The following HSF4 variants were observed in gnomAD, a reference collection of about 807,000 sequenced individuals.
The protein encoded by HSF4 is heat shock factor protein 4.
HSF4 carries 41 observed loss-of-function variants against 52.0 expected under a neutral mutation model. That is an observed-to-expected ratio of 0.79 (90% confidence interval 0.61 to 1.02). The LOEUF is 1.02. Ranked by LOEUF, HSF4 falls within the 50% of genes least tolerant of loss-of-function variation. HSF4 has a pLI of 0.00. For synonymous variants in HSF4, 285 were observed against 273.0 expected, an observed-to-expected ratio of 1.04 and a Z score of -0.43; for missense variants, 610 against 651.1, an observed-to-expected ratio of 0.94 and a Z score of 0.69.
upstream of HSF4, chr16:67,164,706 C>T (rs917137284): frequency 4.0e-5 from 55 of 1,366,528 alleles, no homozygotes; most frequent in Non-Finnish European, 4.4e-5. Context: ...GACCCGGCGC[C>T]CCGGGGCGGA....
rs185818629 is a variant in HSF4, at chr16:67,168,759, G to T, written c.1083-72G>T. ...CTAAAGATTGGGGGATTAAAATCTTGATGCATCTGGGTTCCTTGGGAACTT... is the reference window on the plus strand; with the variant it reads ...CTAAAGATTGGGGGATTAAAATCTTTATGCATCTGGGTTCCTTGGGAACTT... On this transcript the variant is annotated intron_variant, in intron 9 of 12. Transcript: ENST00000521374. 1.2e-4 allele frequency: 128 copies of T among 1,103,286 alleles called. No individual in the cohort carries two copies. The Admixed American group carries it at 2.1e-3, about 19-fold the overall frequency. 68.3% of individuals were successfully genotyped at this position (1,103,286 alleles called of 1,614,324 possible).
chr16:67,166,457 A>G (rs538698506), intron 5 of HSF4, 62 bp downstream of exon 5: 2 of 1,591,770 alleles, frequency 1.3e-6, no homozygotes, highest in Admixed American at 3.4e-5. Context: ...TCCACCGCCC[A>G]GTCCCCCGGC....
intron 6 of HSF4, 31 bp from the exon 7 acceptor site, chr16:67,167,089 A>G: frequency 1.2e-6 from 2 of 1,613,582 alleles, no homozygotes; most frequent in Non-Finnish European, 1.7e-6. Flanking sequence ...ACCCTGCCCC[A>G]CCCCTGCCTG....
rs1272054340 is a variant in HSF4, at chr16:67,165,711, C to T, written c.233-8C>T. On this transcript the variant is annotated splice_region_variant and splice_polypyrimidine_tract_variant and intron_variant, in intron 2 of 12. Coordinates refer to ENST00000521374, the MANE Select transcript of HSF4 (RefSeq NM_001374675.1). The surrounding 1 kb of genome is among the most constrained non-coding windows in gnomAD (Gnocchi z 6.9). ...GGGCGACCCACGCCCCCACGCCCCACTCCCCAGACGGTTTTCGGAAGGTGG... is the reference window on the plus strand; with the variant it reads ...GGGCGACCCACGCCCCCACGCCCCATTCCCCAGACGGTTTTCGGAAGGTGG... 6.2e-7 allele frequency: 1 copy of T among 1,612,094 alleles called. No homozygotes were observed. The highest frequency in any genetic ancestry group is 8.5e-7 in the Non-Finnish European group (1 of 1,179,806).
intron 9 of HSF4, 112 bp from the exon 10 acceptor site, chr16:67,168,719 C>A: frequency 1.2e-6 from 1 of 825,450 alleles, no homozygotes; most frequent in Non-Finnish European, 2.0e-6. Context: ...GATGGGGATC[C>A]TCTCCTATCA....
chr16:67,163,784 C>T (rs549741253), upstream of HSF4: 6 of 1,566,676 alleles, frequency 3.8e-6, no homozygotes, highest in Admixed American at 3.7e-5. Context: ...AGCTCACGCG[C>T]GAGCCGCATC....
In HSF4 at chr16:67,166,339, C is replaced by T. The variant is rs1039577199; in HGVS notation, c.505C>T (p.Arg169Trp). Residue 169 changes from arginine to tryptophan, a missense_variant, in exon 5 of 13, where the codon CGG (arginine) becomes TGG (tryptophan). Physicochemically the swap from Arg to Trp is moderately radical, Grantham distance 101. Coordinates refer to ENST00000521374, the MANE Select transcript of HSF4 (RefSeq NM_001374675.1). ...CCTCAGGCAGAACGAGATCTTGTGGCGGGAGGTGGTGACACTTCGGCAGAG... is the reference window on the plus strand; with the variant it reads ...CCTCAGGCAGAACGAGATCTTGTGGTGGGAGGTGGTGACACTTCGGCAGAG... ...ELRQQNEILW[R>W]EVVTLRQSHG... The T allele has an allele frequency of 6.2e-7, 1 of 1,608,638 alleles. No homozygotes were observed. Among genetic ancestry groups the T allele is most frequent in the Non-Finnish European group, 8.5e-7 (1 of 1,177,488 alleles).
Position 67,169,430 on chromosome 16 carries a change from A to G in HSF4, c.1324+82A>G, listed in dbSNP as rs535216659. The G allele has an allele frequency of 3.0e-4, 475 of 1,572,880 alleles. 3 individuals carry two copies. The highest frequency in any genetic ancestry group is 2.9e-3 in the Middle Eastern group (17 of 5,882). On this transcript the variant is annotated intron_variant, in intron 12 of 12. Transcript: ENST00000521374. The surrounding 1 kb of genome is among the most constrained non-coding windows in gnomAD (Gnocchi z 4.3). ...TGATTGAGTGAGGGGGCAATCTGCA[A>G]TTTGCAGGGAAATCCTGAGTTCAGG...
chr16:67,167,081 C>A, intron 6 of HSF4, 39 bp from the exon 7 acceptor site: 1 of 1,613,732 alleles, frequency 6.2e-7, no homozygotes, highest in Non-Finnish European at 8.5e-7. Context: ...GGGGGCTGAC[C>A]CTGCCCCACC....
At chr16:67,163,930 C>T (rs2031051819), upstream of HSF4, 15 of 1,478,138 alleles carry the variant, frequency 1.0e-5, no homozygotes, top group South Asian at 1.8e-4. Flanking sequence ...GATTGTTGCC[C>T]CCCGGGTCTT....
rs1290775565 is a variant in HSF4, at chr16:67,166,605, A to G, written c.609A>G (p.Ala203=). The G allele has an allele frequency of 2.5e-6, 4 of 1,613,900 alleles. No individual in the cohort carries two copies. Among genetic ancestry groups the G allele is most frequent in the Non-Finnish European group, 3.4e-6 (4 of 1,179,950 alleles). Residue 203 remains alanine, a synonymous_variant, in exon 6 of 13, where the codon GCA becomes GCG. Transcript: ENST00000521374. ...CACTTCAGGCGGGGCCGAGCAATGC[A>G]GGAGGCAAGAGAAAGCTGTGAGTGA... ...FGPLQAGPSN[A]GGKRKLSLML...
Position 67,165,817 on chromosome 16 carries a change from G to A in HSF4, c.331G>A (p.Glu111Lys), listed in dbSNP as rs1396328490. 3 of 1,607,476 alleles carry A rather than the reference G, an allele frequency of 1.9e-6. No homozygotes were observed. Among genetic ancestry groups the A allele is most frequent in the South Asian group, 1.1e-5 (1 of 91,002 alleles). The change falls in exon 3 of 13, where the codon GAG becomes AAG. Residue 111 changes from glutamate (E) to lysine (K), a missense_variant. Physicochemically the swap from Glu to Lys is moderately conservative, Grantham distance 56 (BLOSUM62 1). Transcript: ENST00000521374. The surrounding 1 kb of genome is among the most constrained non-coding windows in gnomAD (Gnocchi z 6.9). ...FQHPSFVRGR[E>K]QLLERVRRKV... is the part of the protein sequence containing the mutation. ...GCACCCGAGCTTCGTGCGCGGCCGC[G>A]AGCAGCTACTGGAGCGCGTGCGGCG...
In HSF4 at chr16:67,167,775, G is replaced by C; in HGVS notation, c.910G>C (p.Glu304Gln). The C allele has an allele frequency of 6.2e-7, 1 of 1,602,620 alleles. No homozygotes were observed. The highest frequency in any genetic ancestry group is 8.5e-7 in the Non-Finnish European group (1 of 1,175,066). Residue 304 changes from glutamate (E) to glutamine (Q), a missense_variant, in exon 9 of 13, where the codon GAG (glutamate) becomes CAG (glutamine). Glu to Gln is a conservative substitution (Grantham distance 29). Transcript: ENST00000521374. ...EEPASPGGDGEAGLALAPNEC... is the reference protein window; with the variant it reads ...EEPASPGGDGQAGLALAPNEC... Reference sequence around the variant, plus strand: ...GCCGGCCAGTCCAGGGGGGGATGGCGAGGCCGGGCTGGCCCTGGCCCCAAA... The same window carrying C: ...GCCGGCCAGTCCAGGGGGGGATGGCCAGGCCGGGCTGGCCCTGGCCCCAAA...
rs1329857290 is a variant in HSF4, at chr16:67,165,732, G to A, written c.246G>A (p.Lys82=). Residue 82 remains lysine (K), a synonymous_variant, in exon 3 of 13, where the codon AAG becomes AAA. Coordinates refer to ENST00000521374, the MANE Select transcript of HSF4 (RefSeq NM_001374675.1). This position sits in a 1 kb window ranked among gnomAD's most constrained non-coding sequence, Gnocchi z 6.9. The part of the protein sequence containing the change: ...VRQLNMYGFR[K]VVSIEQGGLL... ...CCCACTCCCCAGACGGTTTTCGGAA[G>A]GTGGTGAGCATCGAGCAGGGCGGCC... is the stretch of plus-strand genomic sequence containing the variant. The A allele has an allele frequency of 6.2e-7, 1 of 1,611,914 alleles. No individual in the cohort carries two copies. The highest frequency in any genetic ancestry group is 8.5e-7 in the Non-Finnish European group (1 of 1,179,836).
In HSF4 at chr16:67,168,935, A is replaced by G. The variant is rs758363392; in HGVS notation, c.1187A>G (p.Asp396Gly). 19 of 1,613,612 alleles carry G rather than the reference A, an allele frequency of 1.2e-5. No individual in the cohort carries two copies. Among genetic ancestry groups the G allele is most frequent in the Non-Finnish European group, 1.5e-5 (18 of 1,179,760 alleles). ...AGTGTGGAACCTGCAGGGCCTCTAG[A>G]TGTGAGTACCCCTTCTGCTGAAACA... is the stretch of plus-strand genomic sequence containing the variant. The part of the protein sequence containing the change: ...QESVEPAGPL[D>G]VLGPSLQGRE... The change falls in exon 10 of 13, where the codon GAT becomes GGT. Residue 396 changes from aspartate to glycine, a missense_variant and splice_region_variant. Asp to Gly is a moderately conservative substitution (Grantham distance 94, BLOSUM62 -1). Coordinates refer to ENST00000521374, the MANE Select transcript of HSF4 (RefSeq NM_001374675.1).
chr16:67,167,771 T>G lies in HSF4; in HGVS notation c.906T>G (p.Asp302Glu), dbSNP rs753875220. The part of the protein sequence containing the change: ...LKEEPASPGG[D>E]GEAGLALAPN... ...AAGAGCCGGCCAGTCCAGGGGGGGA[T>G]GGCGAGGCCGGGCTGGCCCTGGCCC... Residue 302 changes from aspartate (D) to glutamate (E), a missense_variant, in exon 9 of 13, where the codon GAT (aspartate) becomes GAG (glutamate). Coordinates refer to ENST00000521374, the MANE Select transcript of HSF4 (RefSeq NM_001374675.1). 6.2e-7 allele frequency: 1 copy of G among 1,603,406 alleles called. No individual in the cohort carries two copies. Among genetic ancestry groups the G allele is most frequent in the Admixed American group, 1.7e-5 (1 of 58,144 alleles).
chr16:67,166,156 C>G, intron 4 of HSF4, 86 bp downstream of exon 4: 2 of 1,433,144 alleles, frequency 1.4e-6, no homozygotes, highest in Non-Finnish European at 1.9e-6. Flanking sequence ...TCTGGGCAGC[C>G]CCTTCCTCTC....
chr16:67,166,651 C>T (rs777796744), intron 6 of HSF4, 29 bp downstream of exon 6: 1 of 1,605,908 alleles, frequency 6.2e-7, no homozygotes, highest in South Asian at 1.1e-5. Context: ...AAGGCCCACA[C>T]CCACTTCCAA....
intron 6 of HSF4, 149 bp from the exon 7 acceptor site, chr16:67,166,971 C>A: frequency 9.1e-7 from 1 of 1,094,588 alleles, no homozygotes; most frequent in Non-Finnish European, 1.3e-6. Context: ...GAGCCCCTTC[C>A]ACCTCCAGCA....
Sources: allele counts gnomAD v4.1 joint callset, GRCh38; gene constraint gnomAD v4.1.1; non-coding constraint Gnocchi (gnomAD v3.1); transcripts MANE v1.5; gene names NCBI Gene and HGNC (gene_info 2026-07-23, HGNC 2026-07-21).